Variants in VDAC1 observed in about 807,000 individuals in gnomAD.
The protein encoded by VDAC1 is voltage dependent anion channel 1, also known as non-selective voltage-gated ion channel VDAC1.
In VDAC1, 10 loss-of-function variants were observed where a neutral mutation model predicts 34.7. The ratio of observed to expected loss-of-function variants is 0.29; its 90% CI spans 0.18 to 0.49. VDAC1 has a LOEUF of 0.49. Ranked by LOEUF, VDAC1 falls within the 20% of genes least tolerant of loss-of-function variation. The pLI is 0.99. For synonymous variants in VDAC1, 130 were observed against 136.0 expected, an observed-to-expected ratio of 0.96 and a Z score of 0.30; for missense variants, 230 against 347.9, an observed-to-expected ratio of 0.66 and a Z score of 2.69.
the VDAC1 span, among the ~76,000 whole-genome samples, chr5:134,037,611 T>A: frequency 1.9e-4 from 29 of 152,328 alleles, no homozygotes; most frequent in East Asian, 5.4e-3. Flanking sequence ...CTTCAAGATA[T>A]CCCACCTTTT....
the VDAC1 span, among the ~76,000 whole-genome samples, chr5:134,038,071 C>T: frequency 1.3e-5 from 2 of 152,088 alleles, no homozygotes; most frequent in East Asian, 1.9e-4. Flanking sequence ...CTAGATATGG[C>T]CTCTACCCTC....
the VDAC1 span, among the ~76,000 whole-genome samples, chr5:134,083,298 C>T: frequency 1.3e-5 from 2 of 150,556 alleles, no homozygotes; most frequent in African/African-American, 4.9e-5. Context: ...AAGCGATTCT[C>T]GTGCCTCAGC....
chr5:134,011,300 C>T, the VDAC1 span, among the ~76,000 whole-genome samples: 1 of 152,020 alleles, frequency 6.6e-6, no homozygotes, highest in South Asian at 2.1e-4. Flanking sequence ...CGCCCAGCCC[C>T]CTCTGCCCTC....
the VDAC1 span, among the ~76,000 whole-genome samples, chr5:134,024,404 C>G: frequency 4.6e-3 from 692 of 151,646 alleles, 7 homozygotes; most frequent in African/African-American, 0.015. Context: ...TGGTGGGCAC[C>G]TGTAGTCCCA....
the VDAC1 span, among the ~76,000 whole-genome samples, chr5:134,078,947 G>C: frequency 1.3e-5 from 2 of 150,938 alleles, no homozygotes; most frequent in African/African-American, 4.9e-5. Context: ...CACTGTGCCC[G>C]GTCTATTTTT....
intron 1 of VDAC1, among the ~76,000 whole-genome samples, chr5:133,994,152 G>A (rs1398423347): frequency 6.6e-6 from 1 of 152,102 alleles, no homozygotes; most frequent in Non-Finnish European, 1.5e-5. Flanking sequence ...CATGTCATAT[G>A]ACATGATATG....
the VDAC1 span, among the ~76,000 whole-genome samples, chr5:134,047,010 A>T: frequency 6.6e-6 from 1 of 152,174 alleles, no homozygotes; most frequent in East Asian, 1.9e-4. Context: ...ACCCTAATTC[A>T]GGTAGAAGTG....
chr5:134,013,761 G>A, the VDAC1 span, among the ~76,000 whole-genome samples: 4 of 151,988 alleles, frequency 2.6e-5, no homozygotes, highest in Non-Finnish European at 1.5e-5. Flanking sequence ...TGGCCAACAT[G>A]GTGAAACCCC....
chr5:134,100,658 C>T, the VDAC1 span, among the ~76,000 whole-genome samples: 1 of 152,218 alleles, frequency 6.6e-6, no homozygotes, highest in East Asian at 1.9e-4. Flanking sequence ...GTGTGAAAAA[C>T]CAGAGCCGGC....
chr5:134,084,963 T>C, the VDAC1 span, among the ~76,000 whole-genome samples: 72 of 152,318 alleles, frequency 4.7e-4, no homozygotes, highest in South Asian at 0.015. Context: ...GTTTGACTAA[T>C]GTAAGCCAGC....
the VDAC1 span, among the ~76,000 whole-genome samples, chr5:134,092,675 CAAAA>C: frequency 1.0e-5 from 1 of 96,996 alleles, no homozygotes; most frequent in Non-Finnish European, 2.2e-5. Flanking sequence ...GATTCCGTCT[CAAAA>C]AAAAAAAAAA....
Position 133,973,868 on chromosome 5 carries a change from A to T in VDAC1, c.703-20T>A. 1 of 1,608,644 alleles carries T rather than the reference A, an allele frequency of 6.2e-7. No homozygotes were observed. Among genetic ancestry groups the T allele is most frequent in the Non-Finnish European group, 8.5e-7 (1 of 1,177,922 alleles). On this transcript the variant is annotated intron_variant, in intron 7 of 8. Coordinates refer to ENST00000265333, the MANE Select transcript of VDAC1 (RefSeq NM_003374.3). The stretch of plus-strand genomic sequence containing the variant: ...TTTAGCCTAATCAAGGAAATGACAA[A>T]ACAGAGAAAACATTAAGTATAATAC...
the VDAC1 span, among the ~76,000 whole-genome samples, chr5:134,084,378 G>A: frequency 6.6e-6 from 1 of 152,192 alleles, no homozygotes; most frequent in Non-Finnish European, 1.5e-5. Flanking sequence ...CGAGAGCTGA[G>A]CTACTGGAGC....
At position 133,992,332 on chromosome 5, in the gene VDAC1, A is replaced by G. The variant is rs759540992; in HGVS notation, c.91T>C (p.Leu31=). The change falls in exon 3 of 9, where the codon TTG becomes CTG. Residue 31 remains leucine (L), a synonymous_variant. Transcript: ENST00000265333. ...GYGFGLIKLD[L]KTKSENGLEF... is the part of the protein sequence containing the mutation. ...AATCCATTCTCAGATTTTGTTTTCA[A>G]ATCAAGCTTTATTAAGCCAAATCCT... The G allele has an allele frequency of 6.3e-7, 1 of 1,584,886 alleles. No individual in the cohort carries two copies. Among genetic ancestry groups the G allele is most frequent in the Admixed American group, 1.8e-5 (1 of 56,356 alleles).
chr5:134,106,496 C>T, the VDAC1 span, among the ~76,000 whole-genome samples: 1 of 151,290 alleles, frequency 6.6e-6, no homozygotes, highest in Non-Finnish European at 1.5e-5. Context: ...CAACCTCTGC[C>T]TCCTGAGTTC....
the VDAC1 span, among the ~76,000 whole-genome samples, chr5:134,011,251 A>C: frequency 3.3e-3 from 503 of 152,106 alleles, 5 homozygotes; most frequent in African/African-American, 0.012. Flanking sequence ...TGCCTGCCTC[A>C]GCCTCCCAAA....
the VDAC1 span, among the ~76,000 whole-genome samples, chr5:134,085,524 C>T: frequency 2.0e-5 from 3 of 151,824 alleles, no homozygotes; most frequent in African/African-American, 4.8e-5. Context: ...CTGCTCAAAT[C>T]GTTCTTACCT....
the VDAC1 span, among the ~76,000 whole-genome samples, chr5:134,056,717 C>T: frequency 6.6e-6 from 1 of 152,116 alleles, no homozygotes. Flanking sequence ...CGGAGTTTCG[C>T]TCTTTTTGCC....
At chr5:134,050,196 C>G in the VDAC1 span, among the ~76,000 whole-genome samples, 1 of 152,054 alleles carries the variant, frequency 6.6e-6, no homozygotes, top group Non-Finnish European at 1.5e-5. Context: ...TTGCAGTGAG[C>G]CGAGATCACG....
Sources: gnomAD v4.1 joint callset for allele counts (sites outside exome capture counted in the v4.1 genomes callset) on GRCh38, gnomAD v4.1.1 for gene constraint, MANE v1.5 for transcripts, NCBI Gene and HGNC (gene_info 2026-07-23, HGNC 2026-07-21) for gene names.